DOK2: variants seen among roughly 807,000 people sequenced by gnomAD.
DOK2 encodes docking protein 2, 56kD.
A neutral mutation model predicts 26.0 loss-of-function variants in DOK2; 28 were observed. The observed-to-expected ratio is 1.08, with a 90% CI of 0.80 to 1.48. The LOEUF is 1.48. Among genes scored for constraint, DOK2 ranks in the 40% most tolerant of loss-of-function variants. The probability of loss-of-function intolerance (pLI) is 0.00; values close to 1 mark genes in which losing one functional copy is unlikely to be tolerated. For missense variants in DOK2, 682 were observed against 558.2 expected (o/e 1.22, Z -2.23); for synonymous variants, 282 against 236.9 (o/e 1.19, Z -1.75).
intron 1 of DOK2, 112 bp from the exon 2 acceptor site, chr8:21,912,622 G>C (rs917541912): frequency 4.0e-6 from 4 of 996,822 alleles, no homozygotes; most frequent in Non-Finnish European, 5.7e-6. Flanking sequence ...CAGCCACTTG[G>C]AGATGGGGAG....
chr8:21,912,079 G>A, intron 2 of DOK2, 91 bp from the exon 3 acceptor site: 1 of 1,486,044 alleles, frequency 6.7e-7, no homozygotes. Context: ...CAACCTGCTG[G>A]CTCTGTCTGC....
chr8:21,909,635 C>T lies in DOK2; in HGVS notation c.915G>A (p.Ala305=), dbSNP rs140347319. 5.0e-6 allele frequency: 8 copies of T among 1,613,238 alleles called. No individual in the cohort carries two copies. The South Asian group carries it at 6.6e-5, about 13-fold the overall frequency. Reference sequence around the variant, plus strand: ...AGTTCTTCCCCAAGGAACGGGCCACCGCATCGAAGGGCACGGCATACTCCC... The same window carrying T: ...AGTTCTTCCCCAAGGAACGGGCCACTGCATCGAAGGGCACGGCATACTCCC... ...QEGEYAVPFD[A]VARSLGKNFR... Residue 305 remains alanine, a synonymous_variant, in exon 5 of 5, where the codon GCG becomes GCA. Coordinates refer to ENST00000276420, the MANE Select transcript of DOK2 (RefSeq NM_003974.4).
rs200171615 is a variant in DOK2, at chr8:21,909,408, A to T, written c.1142T>A (p.Leu381His). Residue 381 changes from leucine to histidine, a missense_variant, in exon 5 of 5, where the codon CTC (leucine) becomes CAC (histidine). Coordinates refer to ENST00000276420, the MANE Select transcript of DOK2 (RefSeq NM_003974.4). Reference protein sequence around the residue: ...QATADRDPAGLQHVQPAGQDF... With the variant: ...QATADRDPAGHQHVQPAGQDF... ...CTGCCCGGCTGGCTGGACATGCTGG[A>T]GGCCAGCAGGGTCCCTGTCAGCTGT... 6 of 1,608,216 alleles carry T rather than the reference A, an allele frequency of 3.7e-6. No individual in the cohort carries two copies. The Admixed American group carries it at 8.4e-5, about 23-fold the overall frequency.
In DOK2 at chr8:21,909,167, TG is replaced by T; in HGVS notation, c.*143del. 3 of 1,034,810 alleles carry T rather than the reference TG, an allele frequency of 2.9e-6. No homozygotes were observed. Among genetic ancestry groups the T allele is most frequent in the Non-Finnish European group, 4.2e-6 (3 of 712,932 alleles). The allele number at this position is 1,034,810 out of a possible 1,614,324, so 64.1% of individuals were successfully genotyped here. On this transcript the variant is annotated 3_prime_UTR_variant, in exon 5 of 5. Transcript: ENST00000276420. ...GGATGGTGACTCACCCAGCAGGCCC[TG>T]GGAGAGGCAATTTATCAGCCCCAAC...
intron 2 of DOK2, 81 bp from the exon 3 acceptor site, chr8:21,912,069 C>A: frequency 6.7e-7 from 1 of 1,497,602 alleles, no homozygotes; most frequent in South Asian, 1.3e-5. Context: ...CAGGCCACCT[C>A]AACCTGCTGG....
rs1274475907 is a variant in DOK2 at position 21,909,047 on chromosome 8, G to A, written c.*264C>T. ...CATCCTTTTGTCCTCTGCCCTAAAT[G>A]CCCCAGGTTCCTCCTCAGCTGGGGA... On this transcript the variant is annotated 3_prime_UTR_variant, in exon 5 of 5. Coordinates refer to ENST00000276420, the MANE Select transcript of DOK2 (RefSeq NM_003974.4). The A allele has an allele frequency of 2.7e-6, 1 of 375,842 alleles. No individual in the cohort carries two copies. The highest frequency in any genetic ancestry group is 4.8e-6 in the Non-Finnish European group (1 of 208,834). 23.3% of individuals were successfully genotyped at this position (375,842 alleles called of 1,614,324 possible). A position where few individuals can be genotyped will look rare whatever the true frequency, so the allele number is the denominator to read the frequency against.
In DOK2 at chr8:21,909,622, A is replaced by G. The variant is rs762155398; in HGVS notation, c.928T>C (p.Leu310=). 6.2e-7 allele frequency: 1 copy of G among 1,613,678 alleles called. No individual in the cohort carries two copies. The highest frequency in any genetic ancestry group is 8.5e-7 in the Non-Finnish European group (1 of 1,180,020). The change falls in exon 5 of 5, where the codon TTG becomes CTG. Residue 310 remains leucine (L), a synonymous_variant. Transcript: ENST00000276420. ...AVPFDAVARS[L]GKNFRGILAV... ...AAGATGCCCCTGAAGTTCTTCCCCA[A>G]GGAACGGGCCACCGCATCGAAGGGC...
intron 1 of DOK2, among the ~76,000 whole-genome samples, chr8:21,913,153 C>T (rs1809922678): frequency 6.6e-6 from 1 of 152,172 alleles, no homozygotes; most frequent in African/African-American, 2.4e-5. Flanking sequence ...CACATGCACC[C>T]CACTGGGGTT....
chr8:21,910,578 C>T lies in DOK2; in HGVS notation c.618+95G>A, dbSNP rs575081316. 2.7e-6 allele frequency: 4 copies of T among 1,487,958 alleles called. No homozygotes were observed. The South Asian group carries it at 4.8e-5, about 18-fold the overall frequency. The allele number at this position is 1,487,958 out of a possible 1,614,324, so 92.2% of individuals were successfully genotyped here. A position where few individuals can be genotyped will look rare whatever the true frequency, so the allele number is the denominator to read the frequency against. ...ATTCTTTGCTTCACTCCATCTCCCT[C>T]TCCTGGTCTCTCCCATCCCCTCGCT... On this transcript the variant is annotated intron_variant, in intron 4 of 4. Coordinates refer to ENST00000276420, the MANE Select transcript of DOK2 (RefSeq NM_003974.4).
intron 4 of DOK2, 130 bp downstream of exon 4, chr8:21,910,543 T>C (rs1453262106): frequency 4.1e-6 from 5 of 1,208,114 alleles, no homozygotes; most frequent in South Asian, 2.8e-5. Flanking sequence ...TTCTGCCATC[T>C]TGTCACTCTA....
intron 3 of DOK2, 41 bp from the exon 4 acceptor site, chr8:21,910,898 G>C (rs1004338135): frequency 6.4e-7 from 1 of 1,555,116 alleles, no homozygotes; most frequent in Non-Finnish European, 8.7e-7. Context: ...CAGTTAATGG[G>C]AAACAGCTGG....
chr8:21,912,215 C>A lies in DOK2; in HGVS notation c.345+14G>T. On this transcript the variant is annotated intron_variant, in intron 2 of 4. Coordinates refer to ENST00000276420, the MANE Select transcript of DOK2 (RefSeq NM_003974.4). The stretch of plus-strand genomic sequence containing the variant: ...GCACGCCCCCTTGCCCTTTCCGCAC[C>A]CCGCGCGACTCACGGGGAAGGCCAG... 6.5e-7 allele frequency: 1 copy of A among 1,543,574 alleles called. No homozygotes were observed. The highest frequency in any genetic ancestry group is 8.7e-7 in the Non-Finnish European group (1 of 1,147,996).
chr8:21,913,332 G>T (rs144950888), intron 1 of DOK2, among the ~76,000 whole-genome samples: 346 of 152,310 alleles, frequency 2.3e-3, no homozygotes, highest in African/African-American at 7.6e-3. Flanking sequence ...CCTCAGTAAG[G>T]AGCACAGTTT....
chr8:21,909,278 A>C lies in DOK2; in HGVS notation c.*33T>G. ...CCAGGAGGAGTCACCAGCAGAAGCCAAGGGGCGGTGGACCATCCCTCTGCT... is the reference window on the plus strand; with the variant it reads ...CCAGGAGGAGTCACCAGCAGAAGCCCAGGGGCGGTGGACCATCCCTCTGCT... On this transcript the variant is annotated 3_prime_UTR_variant, in exon 5 of 5. Coordinates refer to ENST00000276420, the MANE Select transcript of DOK2 (RefSeq NM_003974.4). 6.6e-7 allele frequency: 1 copy of C among 1,514,960 alleles called. No homozygotes were observed. Among genetic ancestry groups the C allele is most frequent in the Non-Finnish European group, 8.8e-7 (1 of 1,132,514 alleles). The allele number at this position is 1,514,960 out of a possible 1,614,324, so 93.8% of individuals were successfully genotyped here. A position where few individuals can be genotyped will look rare whatever the true frequency, so the allele number is the denominator to read the frequency against.
At chr8:21,913,432 C>A in intron 1 of DOK2, 107 bp downstream of exon 1, 1 of 1,362,516 alleles carries the variant, frequency 7.3e-7, no homozygotes, top group Admixed American at 1.9e-5. Flanking sequence ...TTGGTGGGTG[C>A]ACAGTCAGAC....
chr8:21,911,952 G>C lies in DOK2; in HGVS notation c.382C>G (p.Gln128Glu). The C allele has an allele frequency of 1.3e-6, 2 of 1,561,234 alleles. No individual in the cohort carries two copies. Among genetic ancestry groups the C allele is most frequent in the South Asian group, 1.2e-5 (1 of 84,922 alleles). ...RKELSGPEGK[Q>E]SRPCMEENEL... ...TTTTCCTCCATGCAGGGCCGGCTCT[G>C]CTTTCCCTCTGGCCCCGAGAGCTCC... Residue 128 changes from glutamine to glutamate, a missense_variant, in exon 3 of 5, where the codon CAG (glutamine) becomes GAG (glutamate). By Grantham distance (29) the Gln-to-Glu change is conservative (BLOSUM62 2). Coordinates refer to ENST00000276420, the MANE Select transcript of DOK2 (RefSeq NM_003974.4).
At chr8:21,911,505 G>T (rs139452434) in intron 3 of DOK2, among the ~76,000 whole-genome samples, 1 of 152,222 alleles carries the variant, frequency 6.6e-6, no homozygotes, top group Non-Finnish European at 1.5e-5. Flanking sequence ...CTGCTCAGGA[G>T]GCTGAGGCAG....
At position 21,909,584 on chromosome 8, in the gene DOK2, A is replaced by C. The variant is rs1323536236; in HGVS notation, c.966T>G (p.Pro322=). ...KNFRGILAVP[P]QLLADPLYDS... ...CGTACAGAGGGTCGGCCAGGAGCTG[A>C]GGAGGGACTGCCAAGATGCCCCTGA... The change falls in exon 5 of 5, where the codon CCT becomes CCG. Residue 322 remains proline (P), a synonymous_variant. Transcript: ENST00000276420. The C allele has an allele frequency of 1.2e-6, 2 of 1,614,054 alleles. No individual in the cohort carries two copies. Among genetic ancestry groups the C allele is most frequent in the Non-Finnish European group, 1.7e-6 (2 of 1,180,034 alleles).
At position 21,909,156 on chromosome 8, in the gene DOK2, C is replaced by G. The variant is rs1809710666; in HGVS notation, c.*155G>C. ...TTCCTGCTTTGGGATGGTGACTCAC[C>G]CAGCAGGCCCTGGGAGAGGCAATTT... On this transcript the variant is annotated 3_prime_UTR_variant, in exon 5 of 5. Transcript: ENST00000276420. 3.4e-6 allele frequency: 3 copies of G among 870,802 alleles called. No individual in the cohort carries two copies. Among genetic ancestry groups the G allele is most frequent in the Non-Finnish European group, 5.3e-6 (3 of 571,156 alleles). 53.9% of individuals were successfully genotyped at this position (870,802 alleles called of 1,614,324 possible). A position where few individuals can be genotyped will look rare whatever the true frequency, so the allele number is the denominator to read the frequency against.
Sources: allele counts gnomAD v4.1 joint callset (sites outside exome capture counted in the v4.1 genomes callset), GRCh38; gene constraint gnomAD v4.1.1; transcripts MANE v1.5; gene names NCBI Gene and HGNC (gene_info 2026-07-23, HGNC 2026-07-21).